SCFD1: variants seen among roughly 807,000 people sequenced by gnomAD.
The protein encoded by SCFD1 is sec1 family domain containing 1.
SCFD1 carries 37 observed loss-of-function variants against 103.2 expected under a neutral mutation model. The ratio of observed to expected loss-of-function variants is 0.36; its 90% CI spans 0.28 to 0.47. SCFD1 has a LOEUF of 0.47. Among genes scored for constraint, SCFD1 ranks in the 20% least tolerant of loss-of-function variants. The pLI is 1.00. For synonymous variants in SCFD1, 264 were observed against 245.0 expected, an observed-to-expected ratio of 1.08 and a Z score of -0.73; for missense variants, 639 against 761.2, an observed-to-expected ratio of 0.84 and a Z score of 1.89.
intron 7 of SCFD1, among the ~76,000 whole-genome samples, chr14:30,645,554 C>T (rs1222731101): frequency 6.6e-6 from 1 of 152,116 alleles, no homozygotes; most frequent in Non-Finnish European, 1.5e-5. Context: ...CCCTAATTAG[C>T]TGTATTCCTA....
intron 14 of SCFD1, among the ~76,000 whole-genome samples, chr14:30,677,944 A>C (rs1052792259): frequency 7.0e-6 from 1 of 142,564 alleles, no homozygotes; most frequent in Non-Finnish European, 1.5e-5. Flanking sequence ...GGTTCAAGCG[A>C]TTCTTCTGCC....
At position 30,679,227 on chromosome 14, in the gene SCFD1, G is replaced by A. The variant is rs973436448; in HGVS notation, c.1242+4162G>A. ...GTGCCTTTTTCTGCTCTCATGATTGGATTTTTTTTTTTTTGCTTACTAATG... is the reference window on the plus strand; with the variant it reads ...GTGCCTTTTTCTGCTCTCATGATTGAATTTTTTTTTTTTTGCTTACTAATG... On this transcript the variant is annotated intron_variant, in intron 14 of 24. Coordinates refer to ENST00000458591, the MANE Select transcript of SCFD1 (RefSeq NM_016106.4). Among the ~76,000 whole-genome samples, 11 of 142,066 alleles carry A rather than the reference G, an allele frequency of 7.7e-5. 2 individuals are homozygous for A. In the South Asian group the frequency reaches 2.4e-3, roughly 31 times the overall value. 93.2% of individuals were successfully genotyped at this position (142,066 alleles called of 152,430 possible). A position where few individuals can be genotyped will look rare whatever the true frequency, so the allele number is the denominator to read the frequency against.
rs146757469 is a variant in SCFD1 at position 30,636,195 on chromosome 14, A to G, written c.313-1930A>G. Among the ~76,000 whole-genome samples, 534 of 151,332 alleles carry G rather than the reference A, an allele frequency of 3.5e-3. 3 individuals carry two copies. Among genetic ancestry groups the G allele is most frequent in the Non-Finnish European group, 6.0e-3 (408 of 67,832 alleles). On this transcript the variant is annotated intron_variant, in intron 4 of 24. Transcript: ENST00000458591. ...AATATTTTCTCCCAGTCTATGGGTTATCTTTTCATTCTCTGGATAATGTCC... is the reference window on the plus strand; with the variant it reads ...AATATTTTCTCCCAGTCTATGGGTTGTCTTTTCATTCTCTGGATAATGTCC...
At chr14:30,647,455 G>C (rs932359426) in intron 7 of SCFD1, among the ~76,000 whole-genome samples, 4 of 150,890 alleles carry the variant, frequency 2.7e-5, no homozygotes, top group African/African-American at 9.8e-5. Flanking sequence ...TTTCTCCTGT[G>C]TGCCATGTAA....
intron 4 of SCFD1, chr14:30,635,107 G>T: frequency 2.7e-6 from 1 of 375,870 alleles, no homozygotes; most frequent in Non-Finnish European, 5.2e-6. Context: ...TATTTAAATT[G>T]TTAGTGACGT....
intron 10 of SCFD1, among the ~76,000 whole-genome samples, chr14:30,658,590 G>A (rs541250721): frequency 4.7e-4 from 72 of 151,946 alleles, no homozygotes; most frequent in African/African-American, 1.6e-3. Flanking sequence ...ATGGGGTTTC[G>A]CCATGTTAGC....
chr14:30,625,286 G>A (rs1008264437), intron 1 of SCFD1, among the ~76,000 whole-genome samples: 11 of 152,242 alleles, frequency 7.2e-5, no homozygotes, highest in Non-Finnish European at 1.6e-4. Context: ...TACAGGTTGA[G>A]TATCCCTTAT....
In SCFD1 at chr14:30,683,146, G is replaced by A. The variant is rs1168059775; in HGVS notation, c.1242+8081G>A. 1.3e-5 allele frequency: 15 copies of A among 1,124,810 alleles called. No individual in the cohort carries two copies. The South Asian group carries it at 1.8e-4, about 13-fold the overall frequency. The allele number at this position is 1,124,810 out of a possible 1,614,324, so 69.7% of individuals were successfully genotyped here. ...GGTTTGGCAGCATGTGTGTTCAAGG[G>A]GCTATCAATGTTGGGTTCTCCTAGT... On this transcript the variant is annotated intron_variant, in intron 14 of 24. Transcript: ENST00000458591.
intron 10 of SCFD1, among the ~76,000 whole-genome samples, chr14:30,657,439 A>G (rs1164568678): frequency 6.6e-6 from 1 of 152,222 alleles, no homozygotes; most frequent in African/African-American, 2.4e-5. Flanking sequence ...GTGTTTTTAT[A>G]CTGGCCTTTA....
chr14:30,656,624 C>A (rs1886930600), intron 10 of SCFD1, among the ~76,000 whole-genome samples: 1 of 151,766 alleles, frequency 6.6e-6, no homozygotes, highest in Admixed American at 6.6e-5. Context: ...TACAGGCTGA[C>A]AACATGAGTT....
At chr14:30,622,475 C>G in intron 1 of SCFD1, 76 bp downstream of exon 1, 1 of 1,517,820 alleles carries the variant, frequency 6.6e-7, no homozygotes, top group East Asian at 2.5e-5. Flanking sequence ...GCGTGCAGCT[C>G]AGAGACCGAT....
At chr14:30,667,355 GC>G (rs1194114265) in intron 10 of SCFD1, among the ~76,000 whole-genome samples, 4 of 152,154 alleles carry the variant, frequency 2.6e-5, no homozygotes, top group Non-Finnish European at 4.4e-5. Context: ...AAATTCAACA[GC>G]CCTTCATGCT....
chr14:30,715,146 T>A (rs1892184341), intron 19 of SCFD1, among the ~76,000 whole-genome samples: 1 of 152,226 alleles, frequency 6.6e-6, no homozygotes, highest in African/African-American at 2.4e-5. Flanking sequence ...ATACCCATTT[T>A]CCTAAGTACA....
At chr14:30,625,229 A>C (rs2138968269) in intron 1 of SCFD1, among the ~76,000 whole-genome samples, 1 of 112,060 alleles carries the variant, frequency 8.9e-6, no homozygotes, top group East Asian at 3.9e-4. Context: ...GAATGAATGA[A>C]TAGTGTGTAT....
At chr14:30,659,359 A>G (rs1385098230) in intron 10 of SCFD1, among the ~76,000 whole-genome samples, 7 of 152,126 alleles carry the variant, frequency 4.6e-5, no homozygotes, top group East Asian at 1.9e-4. Context: ...TTTCATATTT[A>G]AGTCTTATAT....
At position 30,735,699 on chromosome 14, in the gene SCFD1, G is replaced by A; in HGVS notation, c.*90G>A. ...AGAAGAGCAATATGTTTCCTTCTCT[G>A]TAACAGTGTCCTAACAGTGAAAATC... On this transcript the variant is annotated 3_prime_UTR_variant, in exon 25 of 25. Coordinates refer to ENST00000458591, the MANE Select transcript of SCFD1 (RefSeq NM_016106.4). The A allele has an allele frequency of 1.1e-6, 1 of 907,830 alleles. No individual in the cohort carries two copies. Among genetic ancestry groups the A allele is most frequent in the Non-Finnish European group, 1.7e-6 (1 of 573,336 alleles). The allele number at this position is 907,830 out of a possible 1,614,324, so 56.2% of individuals were successfully genotyped here. A position where few individuals can be genotyped will look rare whatever the true frequency, so the allele number is the denominator to read the frequency against.
intron 10 of SCFD1, among the ~76,000 whole-genome samples, chr14:30,667,998 A>G (rs1010433034): frequency 1.3e-5 from 2 of 152,206 alleles, no homozygotes; most frequent in Non-Finnish European, 2.9e-5. Flanking sequence ...TATAGATTCA[A>G]TGCCATCCCC....
At chr14:30,664,925 G>A (rs922117884) in intron 10 of SCFD1, among the ~76,000 whole-genome samples, 9 of 152,330 alleles carry the variant, frequency 5.9e-5, no homozygotes, top group Admixed American at 5.9e-4. Flanking sequence ...TTTGATTGGT[G>A]TACCTGAAAG....
chr14:30,649,677 T>G, intron 8 of SCFD1, 94 bp downstream of exon 8: 1 of 910,492 alleles, frequency 1.1e-6, no homozygotes, highest in East Asian at 2.8e-5. Context: ...TTTAAATATA[T>G]GATTGCTTGG....
Sources: gnomAD v4.1 joint callset for allele counts (sites outside exome capture counted in the v4.1 genomes callset) on GRCh38, gnomAD v4.1.1 for gene constraint, MANE v1.5 for transcripts, NCBI Gene and HGNC (gene_info 2026-07-23, HGNC 2026-07-21) for gene names.